TBC1D22A: variants seen among roughly 807,000 people sequenced by gnomAD.
The protein encoded by TBC1D22A is putative GTPase activator.
A neutral mutation model predicts 60.2 loss-of-function variants in TBC1D22A; 38 were observed. That is an observed-to-expected ratio of 0.63 (90% confidence interval 0.49 to 0.83). The LOEUF (loss-of-function observed/expected upper bound fraction) is 0.83. TBC1D22A is among the 40% of genes least tolerant of loss of function. The pLI is 0.00. For missense variants in TBC1D22A, 628 were observed against 701.0 expected (o/e 0.90, Z 1.18); for synonymous variants, 302 against 281.7 (o/e 1.07, Z -0.72).
intron 10 of TBC1D22A, among the ~76,000 whole-genome samples, chr22:47,012,808 C>T (rs1186927818): frequency 2.0e-5 from 3 of 152,174 alleles, no homozygotes; most frequent in Admixed American, 6.5e-5. Context: ...GGCTCATGAC[C>T]GCGGAGGACA....
intron 8 of TBC1D22A, among the ~76,000 whole-genome samples, chr22:46,916,695 G>A (rs1163484325): frequency 6.6e-6 from 1 of 152,208 alleles, no homozygotes; most frequent in African/African-American, 2.4e-5. Flanking sequence ...CTCAGGCCCT[G>A]GAGGTGCCTG....
chr22:47,065,283 C>T (rs975402877), intron 11 of TBC1D22A, among the ~76,000 whole-genome samples: 8 of 152,234 alleles, frequency 5.3e-5, no homozygotes, highest in Non-Finnish European at 8.8e-5. Flanking sequence ...GCGTGAGCCA[C>T]CATGCCCGGC....
chr22:46,905,101 T>C (rs945741144), intron 7 of TBC1D22A, among the ~76,000 whole-genome samples: 3 of 152,210 alleles, frequency 2.0e-5, no homozygotes, highest in African/African-American at 7.2e-5. Flanking sequence ...CCTCTGTGGC[T>C]TTCAGAGGGG....
intron 7 of TBC1D22A, among the ~76,000 whole-genome samples, chr22:46,899,966 A>G (rs2068894257): frequency 6.6e-6 from 1 of 152,052 alleles, no homozygotes; most frequent in Admixed American, 6.5e-5. Flanking sequence ...AACCCCCTGC[A>G]TCTATCGAAA....
At chr22:46,942,698 T>C (rs2072248101) in intron 8 of TBC1D22A, among the ~76,000 whole-genome samples, 1 of 152,214 alleles carries the variant, frequency 6.6e-6, no homozygotes, top group African/African-American at 2.4e-5. Context: ...TGCCTCTTCC[T>C]GTAGCAGTCA....
intron 11 of TBC1D22A, among the ~76,000 whole-genome samples, chr22:47,081,879 C>A (rs985056566): frequency 2.6e-5 from 4 of 152,180 alleles, no homozygotes; most frequent in African/African-American, 9.6e-5. Flanking sequence ...AATTGACGGC[C>A]AGGCATGGTC....
chr22:47,140,913 T>A (rs947394044), intron 12 of TBC1D22A, among the ~76,000 whole-genome samples: 2 of 152,236 alleles, frequency 1.3e-5, no homozygotes, highest in African/African-American at 4.8e-5. Context: ...GGGTCTGGCA[T>A]ACAGACTCCG....
At chr22:46,791,398 T>C (rs1461460744) in intron 1 of TBC1D22A, among the ~76,000 whole-genome samples, 3 of 152,208 alleles carry the variant, frequency 2.0e-5, no homozygotes, top group African/African-American at 7.2e-5. Context: ...CCCCATGCTG[T>C]TTCCTGCCTG....
At chr22:46,910,224 G>A (rs1480024639) in intron 7 of TBC1D22A, among the ~76,000 whole-genome samples, 1 of 152,196 alleles carries the variant, frequency 6.6e-6, no homozygotes, top group Non-Finnish European at 1.5e-5. Flanking sequence ...GAACAGCCGT[G>A]TGCACTGCAT....
At chr22:47,051,423 G>A (rs1031404840) in intron 11 of TBC1D22A, among the ~76,000 whole-genome samples, 9 of 152,150 alleles carry the variant, frequency 5.9e-5, no homozygotes, top group Admixed American at 1.3e-4. Context: ...GTCTAGTTCC[G>A]GAATTACGGT....
intron 1 of TBC1D22A, among the ~76,000 whole-genome samples, chr22:46,781,543 G>A (rs549003005): frequency 7.2e-5 from 11 of 152,126 alleles, no homozygotes; most frequent in Non-Finnish European, 1.5e-4. Flanking sequence ...TTCCCCTTAC[G>A]AGTGGTGGCA....
intron 1 of TBC1D22A, among the ~76,000 whole-genome samples, chr22:46,781,474 C>T (rs1005060803): frequency 4.6e-5 from 7 of 152,234 alleles, no homozygotes; most frequent in African/African-American, 1.7e-4. Flanking sequence ...CCACGCCCAA[C>T]CCCAGTTCTC....
At chr22:46,940,505 C>T (rs919579050) in intron 8 of TBC1D22A, among the ~76,000 whole-genome samples, 1 of 143,812 alleles carries the variant, frequency 7.0e-6, no homozygotes, top group African/African-American at 2.6e-5. Flanking sequence ...CACAGTCTAC[C>T]CTTGAACAGC....
chr22:47,137,234 G>T (rs1376928789), intron 12 of TBC1D22A, among the ~76,000 whole-genome samples: 1 of 152,156 alleles, frequency 6.6e-6, no homozygotes, highest in Non-Finnish European at 1.5e-5. Context: ...TGTTTTTTGA[G>T]ATAAAGCACA....
chr22:47,175,082 T>C lies in TBC1D22A; in HGVS notation c.*1456T>C, dbSNP rs2068637162. 1 of 152,276 alleles carries C rather than the reference T, an allele frequency of 6.6e-6. No individual in the cohort carries two copies. Among genetic ancestry groups the C allele is most frequent in the African/African-American group, 2.4e-5 (1 of 41,452 alleles). 9.4% of individuals were successfully genotyped at this position (152,276 alleles called of 1,614,324 possible). Reference sequence around the variant, plus strand: ...TGTCCTCTCCCAGGCCCTAGGACACTGCCAGAGACTGTGGGACATACAGGC... The same window carrying C: ...TGTCCTCTCCCAGGCCCTAGGACACCGCCAGAGACTGTGGGACATACAGGC... On this transcript the variant is annotated 3_prime_UTR_variant, in exon 13 of 13. Transcript: ENST00000337137.
intron 11 of TBC1D22A, among the ~76,000 whole-genome samples, chr22:47,093,188 G>A (rs1003033388): frequency 2.0e-5 from 3 of 152,244 alleles, no homozygotes; most frequent in South Asian, 4.2e-4. Context: ...CAGGCGGTGC[G>A]GTACTTGTGA....
At chr22:46,905,861 G>T (rs1049391509) in intron 7 of TBC1D22A, among the ~76,000 whole-genome samples, 1 of 152,210 alleles carries the variant, frequency 6.6e-6, no homozygotes. Context: ...TCTGTTTATG[G>T]AACCTTGTTT....
chr22:46,810,760 C>A (rs904500011), intron 4 of TBC1D22A, among the ~76,000 whole-genome samples: 4 of 152,054 alleles, frequency 2.6e-5, no homozygotes, highest in African/African-American at 9.7e-5. Context: ...ACATAATTGG[C>A]GAGTTCTTAT....
At chr22:47,117,118 C>A in intron 12 of TBC1D22A, 1 of 154,972 alleles carries the variant, frequency 6.5e-6, no homozygotes, top group Non-Finnish European at 1.4e-5. Flanking sequence ...TAACAGCCTG[C>A]TCTGCAATGT....
Sources: gnomAD v4.1 joint callset for allele counts (sites outside exome capture counted in the v4.1 genomes callset) on GRCh38, gnomAD v4.1.1 for gene constraint, MANE v1.5 for transcripts, NCBI Gene and HGNC (gene_info 2026-07-23, HGNC 2026-07-21) for gene names.